Variants in UGT2A1 observed in about 807,000 individuals in gnomAD.
The protein encoded by UGT2A1 is UDP glucuronosyltransferase family 2 member A1 complex locus.
Under a neutral mutation model 45.4 loss-of-function variants are expected in UGT2A1, and 61 were observed. That is an observed-to-expected ratio of 1.34 (90% CI 1.09 to 1.66). The LOEUF (loss-of-function observed/expected upper bound fraction) is 1.66, where lower values mean the gene tolerates loss of function less well. Ranked by LOEUF, UGT2A1 falls within the 40% of genes most tolerant of loss-of-function variation. UGT2A1 has a pLI of 0.00. For missense variants in UGT2A1, 649 were observed against 574.3 expected, an observed-to-expected ratio of 1.13 and a Z score of -1.33; for synonymous variants, 229 against 196.2, an observed-to-expected ratio of 1.17 and a Z score of -1.40.
In UGT2A1 at chr4:69,639,631, T is replaced by C. The variant is rs1325476441; in HGVS notation, c.716-3809A>G. The stretch of plus-strand genomic sequence containing the variant: ...TTCTTAGGCATGGTAAAATCCCTTA[T>C]GGAAACCATCCTACTGTAGATCCTT... On this transcript the variant is annotated intron_variant, in intron 2 of 6. Coordinates refer to ENST00000286604, the MANE Select transcript of UGT2A1 (RefSeq NM_001252275.3). The C allele has an allele frequency of 2.5e-6, 4 of 1,580,448 alleles. No homozygotes were observed. The highest frequency in any genetic ancestry group is 3.4e-6 in the Non-Finnish European group (4 of 1,168,004).
At chr4:69,593,932 T>C (rs1718736618) in intron 6 of UGT2A1, among the ~76,000 whole-genome samples, 1 of 151,724 alleles carries the variant, frequency 6.6e-6, no homozygotes, top group African/African-American at 2.4e-5. Flanking sequence ...CATAGCATTC[T>C]TTATTTTGAA....
intron 2 of UGT2A1, among the ~76,000 whole-genome samples, chr4:69,640,017 T>C (rs1245128387): frequency 1.3e-5 from 2 of 152,016 alleles, no homozygotes; most frequent in Non-Finnish European, 2.9e-5. Context: ...TAGGGTAAAA[T>C]ACTATGCATT....
intron 3 of UGT2A1, among the ~76,000 whole-genome samples, chr4:69,632,769 T>C (rs1721457222): frequency 6.6e-6 from 1 of 151,334 alleles, no homozygotes. Flanking sequence ...GCTCCTGTAA[T>C]CCCAGCTACT....
At chr4:69,592,524 G>A (rs1835826) in intron 6 of UGT2A1, among the ~76,000 whole-genome samples, 1 of 152,034 alleles carries the variant, frequency 6.6e-6, no homozygotes, top group Non-Finnish European at 1.5e-5. Context: ...GTGATAAGGA[G>A]ATAGGTGAGC....
At chr4:69,630,470 T>A (rs1041135691) in intron 3 of UGT2A1, among the ~76,000 whole-genome samples, 4 of 152,122 alleles carry the variant, frequency 2.6e-5, no homozygotes, top group African/African-American at 9.7e-5. Context: ...CTATTCCCTC[T>A]CCTTTTAACC....
intron 6 of UGT2A1, among the ~76,000 whole-genome samples, chr4:69,593,326 T>C (rs1284082961): frequency 6.6e-6 from 1 of 151,970 alleles, no homozygotes; most frequent in Non-Finnish European, 1.5e-5. Context: ...AAAAATGACA[T>C]AAATATTGGT....
chr4:69,628,241 T>A (rs1324674411), intron 3 of UGT2A1, among the ~76,000 whole-genome samples: 4 of 151,446 alleles, frequency 2.6e-5, no homozygotes, highest in African/African-American at 9.7e-5. Context: ...GGCATTTTTT[T>A]AAAGAAATAG....
chr4:69,616,644 G>C (rs1720406423), intron 3 of UGT2A1, among the ~76,000 whole-genome samples: 1 of 151,762 alleles, frequency 6.6e-6, no homozygotes, highest in South Asian at 2.1e-4. Flanking sequence ...CAATTAATTT[G>C]AGAGAAATGA....
rs557115699 is a variant in UGT2A1, at chr4:69,625,324, A to G, written c.847+10367T>C. Among the ~76,000 whole-genome samples the G allele has an allele frequency of 6.0e-5, 9 of 150,886 alleles. No individual in the cohort carries two copies. In the East Asian group the frequency reaches 1.8e-3, roughly 29 times the overall value. The stretch of plus-strand genomic sequence containing the variant: ...ACTTCTTGGATCTATTTGTATATGG[A>G]ATTCACCAAATTTGAAAAATTTGGG... On this transcript the variant is annotated intron_variant, in intron 3 of 6. Transcript: ENST00000286604.
At chr4:69,614,341 T>C (rs1326604343) in intron 3 of UGT2A1, among the ~76,000 whole-genome samples, 1 of 151,816 alleles carries the variant, frequency 6.6e-6, no homozygotes, top group Non-Finnish European at 1.5e-5. Flanking sequence ...AAAATGAAAA[T>C]GTTTTCTGTT....
chr4:69,621,705 T>C (rs1720767382), intron 3 of UGT2A1, among the ~76,000 whole-genome samples: 1 of 152,072 alleles, frequency 6.6e-6, no homozygotes, highest in South Asian at 2.1e-4. Context: ...TGCATGTGAA[T>C]GTTCATTTCA....
intron 3 of UGT2A1, among the ~76,000 whole-genome samples, chr4:69,620,385 T>TA (rs933859573): frequency 4.6e-5 from 6 of 131,624 alleles, no homozygotes; most frequent in Non-Finnish European, 1.0e-4. Flanking sequence ...TCACAATTGC[T>TA]AAAAAAGAAT....
chr4:69,607,283 A>T (rs1719692604), intron 3 of UGT2A1, among the ~76,000 whole-genome samples: 1 of 150,866 alleles, frequency 6.6e-6, no homozygotes, highest in South Asian at 2.1e-4. Context: ...CAACCATCTG[A>T]TCTTTGACAA....
At chr4:69,606,647 T>C (rs1317623168) in intron 3 of UGT2A1, among the ~76,000 whole-genome samples, 2 of 136,968 alleles carry the variant, frequency 1.5e-5, no homozygotes, top group East Asian at 4.1e-4. Flanking sequence ...TGTTTGCAGT[T>C]GACATGATTG....
In UGT2A1 at chr4:69,595,456, T is replaced by A. The variant is rs537577553; in HGVS notation, c.997-207A>T. Among the ~76,000 whole-genome samples the A allele has an allele frequency of 1.6e-3, 240 of 152,332 alleles. 4 individuals carry two copies. The South Asian group carries it at 0.023, about 14-fold the overall frequency. Reference sequence around the variant, plus strand: ...ACTAATAGTCTACCAAGTATAGTATTATTGTTTTGATATTTATCACTTAAA... The same window carrying A: ...ACTAATAGTCTACCAAGTATAGTATAATTGTTTTGATATTTATCACTTAAA... On this transcript the variant is annotated intron_variant, in intron 4 of 6. Transcript: ENST00000286604.
chr4:69,649,535 A>C (rs1722426815), intron 1 of UGT2A1, among the ~76,000 whole-genome samples: 1 of 152,114 alleles, frequency 6.6e-6, no homozygotes, highest in Admixed American at 6.6e-5. Flanking sequence ...AGGAGAAAGC[A>C]AGAAACCAGT....
intron 3 of UGT2A1, among the ~76,000 whole-genome samples, chr4:69,616,447 T>A (rs539061154): frequency 6.6e-6 from 1 of 152,002 alleles, no homozygotes; most frequent in Admixed American, 6.6e-5. Context: ...CCTGATTTGA[T>A]CATTACACAT....
intron 3 of UGT2A1, among the ~76,000 whole-genome samples, chr4:69,630,408 C>A (rs1577990697): frequency 6.6e-6 from 1 of 152,034 alleles, no homozygotes; most frequent in Non-Finnish European, 1.5e-5. Context: ...TATGTTAAAG[C>A]TACCTTTGTC....
Position 69,647,066 on chromosome 4 carries a change from A to G in UGT2A1, c.579T>C (p.Val193=), listed in dbSNP as rs1254063003. The change falls in exon 2 of 7, where the codon GTT becomes GTC. Residue 193 remains valine, a synonymous_variant. Transcript: ENST00000286604. ...CGGTGAGTTCTGATAAAACAGCAGG[A>G]ACATAGGAAGGAGGGTATGGTACCT... ...CGKVPYPPSY[V]PAVLSELTDQ... The G allele has an allele frequency of 6.2e-7, 1 of 1,612,972 alleles. No individual in the cohort carries two copies. Among genetic ancestry groups the G allele is most frequent in the Non-Finnish European group, 8.5e-7 (1 of 1,179,304 alleles).
Sources: allele counts gnomAD v4.1 joint callset (sites outside exome capture counted in the v4.1 genomes callset), GRCh38; gene constraint gnomAD v4.1.1; transcripts MANE v1.5; gene names NCBI Gene and HGNC (gene_info 2026-07-23, HGNC 2026-07-21).